Variants in LAMA2 observed in about 807,000 individuals in gnomAD.
LAMA2 encodes laminin subunit alpha-2.
Under a neutral mutation model 364.8 loss-of-function variants are expected in LAMA2, and 269 were observed. That is an observed-to-expected ratio of 0.74 (90% confidence interval 0.67 to 0.82). LAMA2 has a LOEUF of 0.82. Among genes scored for constraint, LAMA2 ranks in the 40% least tolerant of loss-of-function variants. LAMA2 has a pLI of 0.00. For missense variants in LAMA2, 3,807 were observed against 3,873.2 expected (o/e 0.98, Z 0.45); for synonymous variants, 1,379 against 1,370.6 (o/e 1.01, Z -0.14).
intron 34 of LAMA2, among the ~76,000 whole-genome samples, chr6:129,372,862 A>C (rs1053935575): frequency 5.9e-5 from 9 of 152,052 alleles, no homozygotes; most frequent in Non-Finnish European, 1.2e-4. Context: ...ATGGTATCTC[A>C]TTCTTGTTTT....
At chr6:129,293,813 A>T (rs893425435) in intron 20 of LAMA2, among the ~76,000 whole-genome samples, 1 of 152,144 alleles carries the variant, frequency 6.6e-6, no homozygotes, top group Non-Finnish European at 1.5e-5. Context: ...AAAGAAGAAG[A>T]AGTAAAAAAC....
chr6:129,091,906 A>G (rs1774853741), intron 3 of LAMA2, among the ~76,000 whole-genome samples: 1 of 152,226 alleles, frequency 6.6e-6, no homozygotes, highest in African/African-American at 2.4e-5. Flanking sequence ...GTATCTCTTC[A>G]GGGAATTTTT....
chr6:129,415,936 ACTTT>A (rs1195076051), intron 40 of LAMA2, among the ~76,000 whole-genome samples: 1 of 103,832 alleles, frequency 9.6e-6, no homozygotes, highest in African/African-American at 4.3e-5. Context: ...GAAATTATAC[ACTTT>A]CTTTCTTTTT....
chr6:129,355,422 A>T (rs1480394878), intron 32 of LAMA2, among the ~76,000 whole-genome samples: 1 of 152,212 alleles, frequency 6.6e-6, no homozygotes, highest in African/African-American at 2.4e-5. Context: ...TTTTGAAATC[A>T]GATAAAATAA....
At chr6:129,353,537 C>T (rs910049498) in intron 32 of LAMA2, among the ~76,000 whole-genome samples, 180 bp downstream of exon 32, 1 of 151,522 alleles carries the variant, frequency 6.6e-6, no homozygotes, top group Non-Finnish European at 1.5e-5. Flanking sequence ...ATTGCGTGTC[C>T]ATCCTGCTGA....
chr6:129,006,737 TCGTA>T (rs558059304), intron 1 of LAMA2, among the ~76,000 whole-genome samples: 117 of 152,258 alleles, frequency 7.7e-4, no homozygotes, highest in Non-Finnish European at 1.3e-3. Flanking sequence ...CAGTATAAAA[TCGTA>T]CTGAAACTTG....
intron 3 of LAMA2, among the ~76,000 whole-genome samples, chr6:129,083,099 CACGT>C (rs1247278698): frequency 6.7e-6 from 1 of 150,344 alleles, no homozygotes; most frequent in East Asian, 1.9e-4. Context: ...CACACACACA[CACGT>C]GTACACACAA....
At position 129,252,233 on chromosome 6, in the gene LAMA2, T is replaced by G. The variant is rs769577654; in HGVS notation, c.2034T>G (p.Leu678=). Residue 678 remains leucine, a synonymous_variant, in exon 14 of 65, where the codon CTT becomes CTG. Coordinates refer to ENST00000421865, the MANE Select transcript of LAMA2 (RefSeq NM_000426.4). ...PVRRKEFMTV[L]ANLKRVLLQI... is the part of the protein sequence containing the mutation. Reference sequence around the variant, plus strand: ...GTAGAAAGGAATTTATGACAGTGCTTGCGAATTTGAAGAGAGTCCTCCTAC... The same window carrying G: ...GTAGAAAGGAATTTATGACAGTGCTGGCGAATTTGAAGAGAGTCCTCCTAC... 4 of 1,613,986 alleles carry G rather than the reference T, an allele frequency of 2.5e-6. No individual in the cohort carries two copies. Among genetic ancestry groups the G allele is most frequent in the Admixed American group, 3.3e-5 (2 of 60,000 alleles).
intron 9 of LAMA2, among the ~76,000 whole-genome samples, chr6:129,167,366 G>A (rs963967185): frequency 5.1e-5 from 7 of 136,496 alleles, no homozygotes; most frequent in Non-Finnish European, 1.1e-4. Context: ...CTGTGTCCAT[G>A]TGATAGCATT....
intron 17 of LAMA2, among the ~76,000 whole-genome samples, chr6:129,272,506 GT>G (rs1183809775): frequency 6.6e-6 from 1 of 152,072 alleles, no homozygotes; most frequent in African/African-American, 2.4e-5. Context: ...TGGAATTTTA[GT>G]TTTAAAATCC....
At chr6:128,957,213 A>G (rs1582766335) in intron 1 of LAMA2, among the ~76,000 whole-genome samples, 1 of 152,124 alleles carries the variant, frequency 6.6e-6, no homozygotes, top group South Asian at 2.1e-4. Flanking sequence ...TGCTGGTTGT[A>G]TATAAAGGTA....
At chr6:128,958,797 C>G (rs940976066) in intron 1 of LAMA2, among the ~76,000 whole-genome samples, 3 of 152,168 alleles carry the variant, frequency 2.0e-5, no homozygotes, top group Non-Finnish European at 4.4e-5. Context: ...TCCATCCCTC[C>G]TTCACTCTCA....
intron 32 of LAMA2, 85 bp downstream of exon 32, chr6:129,353,442 G>A (rs1317024419): frequency 2.0e-5 from 22 of 1,079,404 alleles, no homozygotes; most frequent in Admixed American, 9.4e-5. Context: ...GACTCTCCCC[G>A]CCCGCCTTTT....
intron 14 of LAMA2, among the ~76,000 whole-genome samples, chr6:129,259,974 C>T (rs181136531): frequency 2.0e-5 from 3 of 152,140 alleles, no homozygotes; most frequent in East Asian, 3.9e-4. Context: ...AATGTGAATG[C>T]ATAGTAAGAA....
chr6:129,035,722 A>T (rs1786595339), intron 1 of LAMA2, among the ~76,000 whole-genome samples: 1 of 151,850 alleles, frequency 6.6e-6, no homozygotes. Flanking sequence ...TCCGCTAGCC[A>T]GTTATTAAAT....
At chr6:129,336,031 C>T (rs1022385517) in intron 29 of LAMA2, among the ~76,000 whole-genome samples, 1 of 152,158 alleles carries the variant, frequency 6.6e-6, no homozygotes, top group African/African-American at 2.4e-5. Context: ...AGCAATAAAA[C>T]ATCTTTCCAG....
chr6:129,094,277 A>G (rs1775036069), intron 3 of LAMA2, among the ~76,000 whole-genome samples: 1 of 152,264 alleles, frequency 6.6e-6, no homozygotes, highest in Non-Finnish European at 1.5e-5. Context: ...AAGAAATTCC[A>G]TGCCAACAAA....
intron 1 of LAMA2, among the ~76,000 whole-genome samples, chr6:129,012,733 CTAATT>C (rs2114698238): frequency 6.6e-6 from 1 of 152,280 alleles, no homozygotes; most frequent in East Asian, 1.9e-4. Context: ...GCTTATTAAA[CTAATT>C]TAAGGACAAA....
At chr6:129,204,418 G>A (rs145433200) in intron 12 of LAMA2, among the ~76,000 whole-genome samples, 49 of 152,040 alleles carry the variant, frequency 3.2e-4, no homozygotes, top group African/African-American at 1.1e-3. Context: ...GCTACAATGT[G>A]GCAAGTTAAA....
Sources: gnomAD v4.1 joint callset for allele counts (sites outside exome capture counted in the v4.1 genomes callset) on GRCh38, gnomAD v4.1.1 for gene constraint, MANE v1.5 for transcripts, NCBI Gene and HGNC (gene_info 2026-07-23, HGNC 2026-07-21) for gene names.